The following FIS1 variants were observed in gnomAD, a reference collection of about 807,000 sequenced individuals.
FIS1 encodes fission, mitochondrial 1, also known as mitochondrial fission 1 protein.
A neutral mutation model predicts 21.6 loss-of-function variants in FIS1; 16 were observed. That is an observed-to-expected ratio of 0.74 (90% CI 0.50 to 1.12). FIS1 has a LOEUF of 1.12. FIS1 is among the 50% of genes most tolerant of loss of function. FIS1 has a pLI of 0.00. For missense variants in FIS1, 198 were observed against 190.9 expected, an observed-to-expected ratio of 1.04 and a Z score of -0.22; for synonymous variants, 92 against 82.2, an observed-to-expected ratio of 1.12 and a Z score of -0.65.
In FIS1 at chr7:101,245,070, G is replaced by A. The variant is rs1163471354; in HGVS notation, c.-66C>T. 11 of 1,557,704 alleles carry A rather than the reference G, an allele frequency of 7.1e-6. No individual in the cohort carries two copies. The highest frequency in any genetic ancestry group is 2.3e-5 in the East Asian group (1 of 42,660). On this transcript the variant is annotated 5_prime_UTR_variant, in exon 1 of 5. Transcript: ENST00000223136. ...CCACAGTCTCCATGGCCCAGTGGCAGGGGCGGAGAACCACTTCCGGCGTCC... is the reference window on the plus strand; with the variant it reads ...CCACAGTCTCCATGGCCCAGTGGCAAGGGCGGAGAACCACTTCCGGCGTCC...
chr7:101,240,359 C>T, intron 3 of FIS1, 112 bp from the exon 4 acceptor site: 3 of 1,043,208 alleles, frequency 2.9e-6, no homozygotes, highest in Admixed American at 2.3e-5. Flanking sequence ...ACGGCAGCGT[C>T]GCAATCACAG....
chr7:101,244,415 T>A (rs1584273041), intron 1 of FIS1: 1 of 430,174 alleles, frequency 2.3e-6, no homozygotes, highest in Non-Finnish European at 4.2e-6. Context: ...CCGGAGCAGC[T>A]GACCCCGGCG....
chr7:101,239,992 C>A, intron 4 of FIS1, 89 bp from the exon 5 acceptor site: 1 of 1,429,164 alleles, frequency 7.0e-7, no homozygotes, highest in South Asian at 1.2e-5. Flanking sequence ...TCAACAGAGG[C>A]ACACCCCTAC....
chr7:101,239,626 C>T lies in FIS1; in HGVS notation c.*180G>A, dbSNP rs1798705260. 1.5e-6 allele frequency: 1 copy of T among 672,384 alleles called. No individual in the cohort carries two copies. Among genetic ancestry groups the T allele is most frequent in the Non-Finnish European group, 2.7e-6 (1 of 368,714 alleles). 41.7% of individuals were successfully genotyped at this position (672,384 alleles called of 1,614,324 possible). A position where few individuals can be genotyped will look rare whatever the true frequency, so the allele number is the denominator to read the frequency against. ...AGACACGGGGGTTCCCAAGCCACAG[C>T]CCCGTTTTATTTACACTCATCCCAA... is the stretch of plus-strand genomic sequence containing the variant. On this transcript the variant is annotated 3_prime_UTR_variant, in exon 5 of 5. Transcript: ENST00000223136.
chr7:101,241,256 C>G, intron 2 of FIS1: 2 of 229,492 alleles, frequency 8.7e-6, no homozygotes, highest in Non-Finnish European at 1.7e-5. Flanking sequence ...GAGTTTCACT[C>G]GTCGCCCAGG....
chr7:101,241,083 G>A, intron 2 of FIS1, 177 bp from the exon 3 acceptor site: 1 of 630,086 alleles, frequency 1.6e-6, no homozygotes, highest in Non-Finnish European at 2.8e-6. Context: ...CTCTGGGACA[G>A]GGTGAACCCC....
chr7:101,244,049 T>C lies in FIS1; in HGVS notation c.136A>G (p.Lys46Glu). Residue 46 changes from lysine to glutamate, a missense_variant, in exon 2 of 5, where the codon AAG (lysine) becomes GAG (glutamate). Physicochemically the swap from Lys to Glu is moderately conservative, Grantham distance 56. Coordinates refer to ENST00000223136, the MANE Select transcript of FIS1 (RefSeq NM_016068.3). ...FEYAWCLVRS[K>E]YNDDIRKGIV... The stretch of plus-strand genomic sequence containing the variant: ...CCTTTACGGATGTCATCATTGTACT[T>C]GCTCCGCACCAGGCACCAGGCGTAC... The C allele has an allele frequency of 6.2e-7, 1 of 1,614,020 alleles. No homozygotes were observed. Among genetic ancestry groups the C allele is most frequent in the Non-Finnish European group, 8.5e-7 (1 of 1,179,982 alleles).
At chr7:101,240,668 C>G (rs923691351) in intron 3 of FIS1, among the ~76,000 whole-genome samples, 162 bp downstream of exon 3, 6 of 152,230 alleles carry the variant, frequency 3.9e-5, no homozygotes, top group Non-Finnish European at 8.8e-5. Flanking sequence ...TCCTCCCCAC[C>G]CCCTCGCCAC....
intron 1 of FIS1, 52 bp from the exon 2 acceptor site, chr7:101,244,191 C>G: frequency 6.3e-7 from 1 of 1,586,772 alleles, no homozygotes; most frequent in Non-Finnish European, 8.6e-7. Flanking sequence ...GTCAACCATT[C>G]TCTATCTGGA....
chr7:101,243,886 G>A, intron 2 of FIS1, 121 bp downstream of exon 2: 5 of 1,305,154 alleles, frequency 3.8e-6, no homozygotes, highest in Non-Finnish European at 5.1e-6. Flanking sequence ...GAGACGTCAA[G>A]CTAAGTATAG....
chr7:101,240,501 G>T (rs1798730775), intron 3 of FIS1, among the ~76,000 whole-genome samples: 1 of 152,090 alleles, frequency 6.6e-6, no homozygotes, highest in Admixed American at 6.6e-5. Context: ...CCACGTGAAG[G>T]GCCTTCCCTT....
intron 3 of FIS1, 95 bp downstream of exon 3, chr7:101,240,735 A>G: frequency 1.6e-6 from 2 of 1,223,002 alleles, no homozygotes; most frequent in Non-Finnish European, 2.4e-6. Flanking sequence ...GCACCCCTTC[A>G]GCCTTCCCGC....
chr7:101,240,222 ACGTACTTTAAGGCCTTCTCGTATTCCTG>A lies in FIS1; in HGVS notation c.256-3_280del, dbSNP rs766151135. On this transcript the variant is annotated splice_acceptor_variant and splice_polypyrimidine_tract_variant and coding_sequence_variant and intron_variant, in exon 4 of 5. Transcript: ENST00000223136. LOFTEE classifies it high-confidence loss of function. ...GGGCTCTGTCTGCAGCAACCCGCGG[ACGTACTTTAAGGCCTTCTCGTATTCCTG>A]CGCTCGGGGAAACGCGCACGCGTCA... 1 of 1,614,186 alleles carries A rather than the reference ACGTACTTTAAGGCCTTCTCGTATTCCTG, an allele frequency of 6.2e-7. No individual in the cohort carries two copies. The highest frequency in any genetic ancestry group is 8.5e-7 in the Non-Finnish European group (1 of 1,180,018).
Position 101,239,766 on chromosome 7 carries a change from G to A in FIS1, c.*40C>T, listed in dbSNP as rs1487419277. 3 of 1,511,956 alleles carry A rather than the reference G, an allele frequency of 2.0e-6. No individual in the cohort carries two copies. The highest frequency in any genetic ancestry group is 2.7e-5 in the African/African-American group (2 of 72,762). The allele number at this position is 1,511,956 out of a possible 1,614,324, so 93.7% of individuals were successfully genotyped here. On this transcript the variant is annotated 3_prime_UTR_variant, in exon 5 of 5. Coordinates refer to ENST00000223136, the MANE Select transcript of FIS1 (RefSeq NM_016068.3). ...AGGGAAAGGACAGCGAGGATGGACA[G>A]GCCCTCCTGGAGCGTTCTCCGTGGG...
intron 1 of FIS1, chr7:101,244,720 C>T: frequency 3.5e-6 from 2 of 573,416 alleles, no homozygotes; most frequent in Admixed American, 3.1e-5. Context: ...AGTCTAACCA[C>T]GGTCGGGCTC....
At position 101,239,627 on chromosome 7, in the gene FIS1, C is replaced by T. The variant is rs931595326; in HGVS notation, c.*179G>A. 2 of 674,660 alleles carry T rather than the reference C, an allele frequency of 3.0e-6. No homozygotes were observed. The highest frequency in any genetic ancestry group is 1.8e-5 in the African/African-American group (1 of 56,736). The allele number at this position is 674,660 out of a possible 1,614,324, so 41.8% of individuals were successfully genotyped here. ...GACACGGGGGTTCCCAAGCCACAGC[C>T]CCGTTTTATTTACACTCATCCCAAA... On this transcript the variant is annotated 3_prime_UTR_variant, in exon 5 of 5. Coordinates refer to ENST00000223136, the MANE Select transcript of FIS1 (RefSeq NM_016068.3).
intron 1 of FIS1, 82 bp downstream of exon 1, chr7:101,244,878 G>C: frequency 1.3e-6 from 2 of 1,556,354 alleles, no homozygotes; most frequent in Non-Finnish European, 1.8e-6. Context: ...CCGATGCCGG[G>C]AGGAGGGTTC....
In FIS1 at chr7:101,239,786, C is replaced by T. The variant is rs893498535; in HGVS notation, c.*20G>A. On this transcript the variant is annotated 3_prime_UTR_variant, in exon 5 of 5. Coordinates refer to ENST00000223136, the MANE Select transcript of FIS1 (RefSeq NM_016068.3). ...GGACAGGCCCTCCTGGAGCGTTCTC[C>T]GTGGGCTCCCGCGTCTCCTTCAGGA... 29 of 1,574,186 alleles carry T rather than the reference C, an allele frequency of 1.8e-5. No homozygotes were observed. Among genetic ancestry groups the T allele is most frequent in the East Asian group, 1.2e-4 (5 of 42,902 alleles).
At chr7:101,241,636 CCTTTTTTTTTTT>C (rs1798750676) in intron 2 of FIS1, 1 of 140,108 alleles carries the variant, frequency 7.1e-6, no homozygotes, top group South Asian at 2.3e-4. Context: ...TGTCTTCCTT[CCTTTTTTTTTTT>C]TTTTTTTTTT....
Sources: allele counts gnomAD v4.1 joint callset (sites outside exome capture counted in the v4.1 genomes callset), GRCh38; gene constraint gnomAD v4.1.1; transcripts MANE v1.5; gene names NCBI Gene and HGNC (gene_info 2026-07-23, HGNC 2026-07-21).